Variants in RNF180 observed in about 807,000 individuals in gnomAD.
RNF180 encodes E3 ubiquitin-protein ligase RNF180.
A neutral mutation model predicts 59.2 loss-of-function variants in RNF180; 38 were observed. The observed-to-expected ratio is 0.64, with a 90% CI of 0.50 to 0.84. The LOEUF (loss-of-function observed/expected upper bound fraction) is 0.84, where lower values mean the gene tolerates loss of function less well. Among genes scored for constraint, RNF180 ranks in the 40% least tolerant of loss-of-function variants. The probability of loss-of-function intolerance (pLI) is 0.00; values close to 1 mark genes in which losing one functional copy is unlikely to be tolerated. For missense variants in RNF180, 705 were observed against 700.9 expected, an observed-to-expected ratio of 1.01 and a Z score of -0.07; for synonymous variants, 262 against 240.3, an observed-to-expected ratio of 1.09 and a Z score of -0.84.
At chr5:64,233,402 T>G (rs1742214464) in intron 5 of RNF180, among the ~76,000 whole-genome samples, 1 of 152,160 alleles carries the variant, frequency 6.6e-6, no homozygotes, top group Non-Finnish European at 1.5e-5. Flanking sequence ...ACAGCCAACA[T>G]AAATAATTTT....
In RNF180 at chr5:64,372,364, T is replaced by TA. The variant is rs1398894659; in HGVS notation, c.*2551dup. ...CAGAATTTATATTTTACAAAGCTTC[T>TA]ACCACTCTGAATCAACAAAATCAGG... is the stretch of plus-strand genomic sequence containing the variant. On this transcript the variant is annotated 3_prime_UTR_variant, in exon 8 of 8. Transcript: ENST00000389100. 6.6e-6 allele frequency: 1 copy of TA among 151,858 alleles called. No individual in the cohort carries two copies. Among genetic ancestry groups the TA allele is most frequent in the African/African-American group, 2.4e-5 (1 of 41,402 alleles). 9.4% of individuals were successfully genotyped at this position (151,858 alleles called of 1,614,324 possible). A position where few individuals can be genotyped will look rare whatever the true frequency, so the allele number is the denominator to read the frequency against.
At chr5:64,248,947 C>T (rs1181628100) in intron 5 of RNF180, among the ~76,000 whole-genome samples, 1 of 152,114 alleles carries the variant, frequency 6.6e-6, no homozygotes, top group African/African-American at 2.4e-5. Flanking sequence ...AATTCATTTC[C>T]TCTCCAGGGA....
chr5:64,194,353 C>T (rs1017075914), intron 1 of RNF180, among the ~76,000 whole-genome samples: 1 of 152,152 alleles, frequency 6.6e-6, no homozygotes, highest in African/African-American at 2.4e-5. Context: ...TTTATGGCTG[C>T]ATAGTATTCC....
At chr5:64,255,296 TG>T (rs561885410) in intron 5 of RNF180, among the ~76,000 whole-genome samples, 179 of 152,296 alleles carry the variant, frequency 1.2e-3, no homozygotes, top group African/African-American at 4.2e-3. Context: ...GTTAGTGTGC[TG>T]CACCCATTAA....
intron 7 of RNF180, among the ~76,000 whole-genome samples, chr5:64,344,143 A>G (rs1210149669): frequency 1.3e-5 from 2 of 152,074 alleles, no homozygotes; most frequent in African/African-American, 2.4e-5. Flanking sequence ...AAAAATTCAT[A>G]CTAAAATAGA....
At chr5:64,314,672 C>CT (rs1473500724) in intron 5 of RNF180, among the ~76,000 whole-genome samples, 1 of 152,072 alleles carries the variant, frequency 6.6e-6, no homozygotes, top group Non-Finnish European at 1.5e-5. Context: ...AGATAATAAA[C>CT]TATTGCATGT....
chr5:64,344,542 CAAT>C (rs1178884509), intron 7 of RNF180, among the ~76,000 whole-genome samples: 5 of 152,090 alleles, frequency 3.3e-5, no homozygotes, highest in Non-Finnish European at 2.9e-5. Flanking sequence ...AAAACACACA[CAAT>C]GATGGTGTAC....
At chr5:64,336,087 C>A (rs1259143067) in intron 7 of RNF180, among the ~76,000 whole-genome samples, 1 of 152,146 alleles carries the variant, frequency 6.6e-6, no homozygotes, top group Non-Finnish European at 1.5e-5. Context: ...GGCATACCAT[C>A]ATCACTGTTC....
chr5:64,349,903 T>C (rs528321298), intron 7 of RNF180, among the ~76,000 whole-genome samples: 1 of 152,314 alleles, frequency 6.6e-6, no homozygotes, highest in Admixed American at 6.5e-5. Flanking sequence ...AACATATGTG[T>C]GTATGTGTCT....
At chr5:64,214,810 T>C (rs1047048967) in intron 4 of RNF180, among the ~76,000 whole-genome samples, 1 of 152,230 alleles carries the variant, frequency 6.6e-6, no homozygotes, top group African/African-American at 2.4e-5. Context: ...TTTTTTACTA[T>C]ATTTTAAATG....
chr5:64,254,770 A>G (rs988829710), intron 5 of RNF180, among the ~76,000 whole-genome samples: 4 of 152,214 alleles, frequency 2.6e-5, no homozygotes, highest in African/African-American at 9.6e-5. Flanking sequence ...GGAAATGTAT[A>G]GAACAACAGT....
intron 7 of RNF180, among the ~76,000 whole-genome samples, chr5:64,336,392 A>G (rs1745126041): frequency 8.2e-6 from 1 of 122,622 alleles, no homozygotes; most frequent in South Asian, 2.5e-4. Context: ...TTGTCTATCT[A>G]TTCACTTTCT....
intron 7 of RNF180, among the ~76,000 whole-genome samples, chr5:64,364,258 A>G (rs1256472831): frequency 1.3e-5 from 2 of 151,730 alleles, no homozygotes; most frequent in East Asian, 1.9e-4. Context: ...TATTCCTTCA[A>G]TGCCTAGTTG....
At chr5:64,317,569 TATATATAC>T (rs1561257012) in intron 5 of RNF180, among the ~76,000 whole-genome samples, 1 of 146,798 alleles carries the variant, frequency 6.8e-6, no homozygotes, top group Non-Finnish European at 1.5e-5. Context: ...TACACATACA[TATATATAC>T]ACATATATAT....
At chr5:64,234,016 G>A (rs1024850515) in intron 5 of RNF180, among the ~76,000 whole-genome samples, 1 of 152,222 alleles carries the variant, frequency 6.6e-6, no homozygotes, top group Non-Finnish European at 1.5e-5. Context: ...AGAAATGTCA[G>A]TAGTTTGATA....
intron 1 of RNF180, among the ~76,000 whole-genome samples, chr5:64,168,792 A>G (rs989622277): frequency 1.3e-5 from 2 of 152,188 alleles, no homozygotes; most frequent in African/African-American, 4.8e-5. Flanking sequence ...TGTGTGTGCA[A>G]CAGACTTTCC....
intron 5 of RNF180, among the ~76,000 whole-genome samples, chr5:64,248,176 A>G (rs1267501316): frequency 1.3e-5 from 2 of 152,340 alleles, no homozygotes; most frequent in African/African-American, 2.4e-5. Flanking sequence ...CATAGGCAGT[A>G]CCATCCAGGA....
chr5:64,184,166 C>T (rs1420443417), intron 1 of RNF180, among the ~76,000 whole-genome samples: 1 of 152,158 alleles, frequency 6.6e-6, no homozygotes, highest in Non-Finnish European at 1.5e-5. Flanking sequence ...ACAGAAGAAA[C>T]CAAACCTGCT....
intron 7 of RNF180, among the ~76,000 whole-genome samples, chr5:64,364,156 T>A (rs1746359802): frequency 6.6e-6 from 1 of 151,810 alleles, no homozygotes; most frequent in Non-Finnish European, 1.5e-5. Flanking sequence ...CATCCTTGTC[T>A]TATGTTTTTC....
Sources: gnomAD v4.1 joint callset for allele counts (sites outside exome capture counted in the v4.1 genomes callset) on GRCh38, gnomAD v4.1.1 for gene constraint, MANE v1.5 for transcripts, NCBI Gene and HGNC (gene_info 2026-07-23, HGNC 2026-07-21) for gene names.